The following MPRIP variants were observed in gnomAD, a reference collection of about 807,000 sequenced individuals.
The protein encoded by MPRIP is myosin phosphatase Rho-interacting protein.
A neutral mutation model predicts 234.9 loss-of-function variants in MPRIP; 59 were observed. That is an observed-to-expected ratio of 0.25 (90% CI 0.20 to 0.31). The LOEUF (loss-of-function observed/expected upper bound fraction) is 0.31, where lower values mean the gene tolerates loss of function less well. Among genes scored for constraint, MPRIP ranks in the 10% least tolerant of loss-of-function variants. The probability of loss-of-function intolerance (pLI) is 1.00; values close to 1 mark genes in which losing one functional copy is unlikely to be tolerated. For missense variants in MPRIP, 2,436 were observed against 3,071.0 expected (o/e 0.79, Z 4.89); for synonymous variants, 1,144 against 1,263.9 (o/e 0.91, Z 2.01).
chr17:17,176,693 A>G (rs1362608583), intron 21 of MPRIP, among the ~76,000 whole-genome samples, 181 bp downstream of exon 21: 1 of 152,182 alleles, frequency 6.6e-6, no homozygotes, highest in African/African-American at 2.4e-5. Flanking sequence ...TGCTGTGGGA[A>G]CGTGGACATG....
chr17:17,102,832 G>A (rs1175829656), intron 3 of MPRIP, among the ~76,000 whole-genome samples: 1 of 152,248 alleles, frequency 6.6e-6, no homozygotes, highest in Non-Finnish European at 1.5e-5. Flanking sequence ...GCTGGGCAAC[G>A]TTGAGGTCGA....
chr17:17,126,776 C>T lies in MPRIP; in HGVS notation c.342C>T (p.Gly114=). 1 of 1,614,202 alleles carries T rather than the reference C, an allele frequency of 6.2e-7. No homozygotes were observed. Among genetic ancestry groups the T allele is most frequent in the Non-Finnish European group, 8.5e-7 (1 of 1,180,026 alleles). ...TGGTGGATGGGGAGGGCCGCACGGG[C>T]CAGAAGTTCTCCCTGTGTATTCTGA... is the stretch of plus-strand genomic sequence containing the variant. ...TDVVDGEGRT[G]QKFSLCILTP... is the part of the protein sequence containing the mutation. Residue 114 remains glycine (G), a synonymous_variant, in exon 4 of 24, where the codon GGC becomes GGT. Coordinates refer to ENST00000651222, the MANE Select transcript of MPRIP (RefSeq NM_001364716.4).
intron 5 of MPRIP, among the ~76,000 whole-genome samples, chr17:17,135,688 C>T (rs1365415844): frequency 6.6e-6 from 1 of 152,190 alleles, no homozygotes; most frequent in Non-Finnish European, 1.5e-5. Context: ...GAGGGCTCCA[C>T]TCTCATGACC....
chr17:17,185,562 C>T lies in MPRIP; in HGVS notation c.*668C>T, dbSNP rs1302173205. On this transcript the variant is annotated 3_prime_UTR_variant, in exon 24 of 24. Transcript: ENST00000651222. ...TTTTTTATTAAATCTTGCACAAAAT[C>T]CCCGGCCCCTCTCCTTCCTTCCTTC... 7 of 455,682 alleles carry T rather than the reference C, an allele frequency of 1.5e-5. No individual in the cohort carries two copies. The highest frequency in any genetic ancestry group is 3.1e-5 in the Non-Finnish European group (7 of 226,996). 28.2% of individuals were successfully genotyped at this position (455,682 alleles called of 1,614,324 possible).
chr17:17,090,061 C>G (rs935647524), intron 3 of MPRIP, among the ~76,000 whole-genome samples: 2 of 152,190 alleles, frequency 1.3e-5, no homozygotes, highest in African/African-American at 4.8e-5. Flanking sequence ...GAAAAGACTC[C>G]TTGTCCTTGA....
At chr17:17,150,302 C>A in intron 12 of MPRIP, 69 bp downstream of exon 12, 1 of 1,235,040 alleles carries the variant, frequency 8.1e-7, no homozygotes, top group Non-Finnish European at 1.2e-6. Flanking sequence ...TGCCTAATGT[C>A]TGGGCTGGGG....
At chr17:17,148,032 G>A (rs983061930) in intron 11 of MPRIP, among the ~76,000 whole-genome samples, 1 of 152,220 alleles carries the variant, frequency 6.6e-6, no homozygotes, top group Non-Finnish European at 1.5e-5. Context: ...GTCTGTTTCA[G>A]GTTAGTCATT....
At chr17:17,108,566 A>G (rs2090107680) in intron 3 of MPRIP, among the ~76,000 whole-genome samples, 1 of 152,232 alleles carries the variant, frequency 6.6e-6, no homozygotes, top group South Asian at 2.1e-4. Context: ...TTATTCAGCA[A>G]AAGTTTGGAA....
At chr17:17,178,153 G>A (rs2046297539) in intron 22 of MPRIP, among the ~76,000 whole-genome samples, 1 of 151,940 alleles carries the variant, frequency 6.6e-6, no homozygotes, top group African/African-American at 2.4e-5. Flanking sequence ...AAACTCCTGG[G>A]CTCAAGCGAT....
Position 17,167,311 on chromosome 17 carries a change from C to G in MPRIP, c.5720C>G (p.Ala1907Gly). Residue 1907 changes from alanine to glycine, a missense_variant, in exon 16 of 24, where the codon GCC becomes GGC. Coordinates refer to ENST00000651222, the MANE Select transcript of MPRIP (RefSeq NM_001364716.4). This position sits in a 1 kb window ranked among gnomAD's most constrained non-coding sequence, Gnocchi z 5.9. ...KQKSEYLDVI[A>G]IVERENAELK... is the part of the protein sequence containing the mutation. The stretch of plus-strand genomic sequence containing the variant: ...AAGAGCGAGTACCTGGATGTGATCG[C>G]CATTGTTGAAAGGGAGAATGCAGAG... The G allele has an allele frequency of 7.7e-7, 1 of 1,304,010 alleles. No individual in the cohort carries two copies. The highest frequency in any genetic ancestry group is 1.0e-6 in the Non-Finnish European group (1 of 988,944). 80.8% of individuals were successfully genotyped at this position (1,304,010 alleles called of 1,614,324 possible). A position where few individuals can be genotyped will look rare whatever the true frequency, so the allele number is the denominator to read the frequency against.
At chr17:17,156,570 G>A (rs548610665) in intron 13 of MPRIP, among the ~76,000 whole-genome samples, 3 of 152,372 alleles carry the variant, frequency 2.0e-5, no homozygotes, top group Admixed American at 6.5e-5. Flanking sequence ...CCATCTTGAA[G>A]TCCTGGGGTG....
intron 3 of MPRIP, among the ~76,000 whole-genome samples, chr17:17,111,843 G>GGGCC (rs1434459249): frequency 3.3e-5 from 5 of 152,082 alleles, no homozygotes; most frequent in African/African-American, 4.8e-5. Flanking sequence ...CTCACTCTCT[G>GGGCC]TTCCCAGGAG....
chr17:17,137,512 CA>C lies in MPRIP; in HGVS notation c.737-387del, dbSNP rs35313745. On this transcript the variant is annotated intron_variant, in intron 6 of 23. Coordinates refer to ENST00000651222, the MANE Select transcript of MPRIP (RefSeq NM_001364716.4). ...CTGGCGACAGAGCGAGATTGCATCT[CA>C]AAAAAAAAAAAAAAAATACTGAAGG... Among the ~76,000 whole-genome samples, 781 of 126,440 alleles carry C rather than the reference CA, an allele frequency of 6.2e-3. 15 individuals carry two copies. Among genetic ancestry groups the C allele is most frequent in the African/African-American group, 9.7e-3 (278 of 28,530 alleles). The allele number at this position is 126,440 out of a possible 152,430, so 82.9% of individuals were successfully genotyped here.
chr17:17,177,454 C>T (rs749070419), intron 22 of MPRIP, 42 bp downstream of exon 22: 16 of 1,593,702 alleles, frequency 1.0e-5, no homozygotes, highest in Middle Eastern at 1.7e-4. Context: ...TGCTGGGGGG[C>T]TTATGGGGGT....
chr17:17,165,309 G>A lies in MPRIP; in HGVS notation c.3718G>A (p.Asp1240Asn). The A allele has an allele frequency of 7.7e-7, 1 of 1,304,086 alleles. No homozygotes were observed. The highest frequency in any genetic ancestry group is 1.0e-6 in the Non-Finnish European group (1 of 988,976). 80.8% of individuals were successfully genotyped at this position (1,304,086 alleles called of 1,614,324 possible). A position where few individuals can be genotyped will look rare whatever the true frequency, so the allele number is the denominator to read the frequency against. The change falls in exon 16 of 24, where the codon GAT becomes AAT. Residue 1240 changes from aspartate (D) to asparagine (N), a missense_variant. Asp to Asn is a conservative substitution (Grantham distance 23). Transcript: ENST00000651222. ...GAGTACCCCTGAAGAGACAGAAAGG[G>A]ATGGCACTTTGCTCCCAGGCCAACC... Reference protein sequence around the residue: ...PRSTPEETERDGTLLPGQPVQ... With the variant: ...PRSTPEETERNGTLLPGQPVQ...
chr17:17,164,781 C>T lies in MPRIP; in HGVS notation c.3190C>T (p.Leu1064=). The T allele has an allele frequency of 7.7e-7, 1 of 1,304,224 alleles. No homozygotes were observed. Among genetic ancestry groups the T allele is most frequent in the Non-Finnish European group, 1.0e-6 (1 of 988,932 alleles). The allele number at this position is 1,304,224 out of a possible 1,614,324, so 80.8% of individuals were successfully genotyped here. Reference sequence around the variant, plus strand: ...GGGTCAGGCACAGCAGGTGGAGACCCTGCAGAAGGAGAAGCTGAGCGCCAC... The same window carrying T: ...GGGTCAGGCACAGCAGGTGGAGACCTTGCAGAAGGAGAAGCTGAGCGCCAC... The part of the protein sequence containing the change: ...LQGQAQQVET[L]QKEKLSATFE... Residue 1064 remains leucine, a synonymous_variant, in exon 16 of 24, where the codon CTG becomes TTG. Transcript: ENST00000651222.
At chr17:17,128,601 C>A (rs1306046023) in intron 4 of MPRIP, among the ~76,000 whole-genome samples, 2 of 151,878 alleles carry the variant, frequency 1.3e-5, no homozygotes, top group Non-Finnish European at 2.9e-5. Flanking sequence ...TGTGGTGGCT[C>A]AGTGGCGTAT....
chr17:17,168,781 G>A (rs1231144560), intron 16 of MPRIP: 4 of 444,568 alleles, frequency 9.0e-6, no homozygotes, highest in Non-Finnish European at 1.8e-5. Flanking sequence ...GGATGACTAG[G>A]CCCCTCAAAA....
At chr17:17,129,799 A>G (rs2090561794) in intron 4 of MPRIP, among the ~76,000 whole-genome samples, 1 of 152,226 alleles carries the variant, frequency 6.6e-6, no homozygotes, top group Admixed American at 6.5e-5. Context: ...AGCATGCTCC[A>G]CACCTTGGTG....
Sources: allele counts gnomAD v4.1 joint callset (sites outside exome capture counted in the v4.1 genomes callset), GRCh38; gene constraint gnomAD v4.1.1; non-coding constraint Gnocchi (gnomAD v3.1); transcripts MANE v1.5; gene names NCBI Gene and HGNC (gene_info 2026-07-23, HGNC 2026-07-21).